Variants in PRKCD observed in about 807,000 individuals in gnomAD.
PRKCD encodes the protein protein kinase C delta type.
PRKCD carries 20 observed loss-of-function variants against 82.2 expected under a neutral mutation model. The observed-to-expected ratio is 0.24, with a 90% CI of 0.17 to 0.35. The LOEUF (loss-of-function observed/expected upper bound fraction) is 0.35. Ranked by LOEUF, PRKCD falls within the 10% of genes least tolerant of loss-of-function variation. The pLI, the probability that PRKCD is intolerant of heterozygous loss-of-function variation, is 1.00. For synonymous variants in PRKCD, 317 were observed against 337.0 expected (o/e 0.94, Z 0.65); for missense variants, 607 against 899.0 (o/e 0.68, Z 4.15).
intron 2 of PRKCD, among the ~76,000 whole-genome samples, chr3:53,170,451 C>T (rs530430974): frequency 3.9e-5 from 6 of 152,358 alleles, no homozygotes; most frequent in South Asian, 2.1e-4. Context: ...TCCCCCTGCG[C>T]GCCAGGCCTG....
chr3:53,183,386 G>A, intron 8 of PRKCD, 66 bp from the exon 9 acceptor site: 4 of 1,603,534 alleles, frequency 2.5e-6, no homozygotes, highest in East Asian at 2.2e-5. Flanking sequence ...TTGGGGGAGA[G>A]CTAGGGGTTG....
Position 53,192,410 on chromosome 3 carries a change from C to T in PRKCD, c.*144C>T, listed in dbSNP as rs782093358. 9 of 867,922 alleles carry T rather than the reference C, an allele frequency of 1.0e-5. No individual in the cohort carries two copies. The highest frequency in any genetic ancestry group is 4.8e-5 in the South Asian group (3 of 62,474). The allele number at this position is 867,922 out of a possible 1,614,324, so 53.8% of individuals were successfully genotyped here. On this transcript the variant is annotated 3_prime_UTR_variant, in exon 19 of 19. Coordinates refer to ENST00000330452, the MANE Select transcript of PRKCD (RefSeq NM_006254.4). The stretch of plus-strand genomic sequence containing the variant: ...TCCTTGGCTGCCGTCTGGCCGGGCT[C>T]TCATGGTACTTCCTCTGTGAACTGT...
chr3:53,186,452 T>C, intron 13 of PRKCD, 112 bp downstream of exon 13: 2 of 1,397,574 alleles, frequency 1.4e-6, no homozygotes, highest in South Asian at 1.3e-5. Context: ...GGCAGGGCCA[T>C]GCTTTCCCCC....
chr3:53,189,067 G>A lies in PRKCD; in HGVS notation c.1564G>A (p.Gly522Ser). 6.2e-7 allele frequency: 1 copy of A among 1,612,818 alleles called. No individual in the cohort carries two copies. Among genetic ancestry groups the A allele is most frequent in the Non-Finnish European group, 8.5e-7 (1 of 1,179,258 alleles). The change falls in exon 17 of 19, where the codon GGC becomes AGC. Residue 522 changes from glycine (G) to serine (S), a missense_variant. Around this residue, in one of 5 missense-constraint regions of PRKCD, gnomAD observed 251 missense variants for 423.9 expected, o/e 0.59. Transcript: ENST00000330452. ...CTCTCCCCACCGCCAGATCCTACAG[G>A]GCCTGAAGTACACATTCTCTGTGGA... ...PDYIAPEILQ[G>S]LKYTFSVDWW...
chr3:53,164,582 C>T (rs570389060), intron 1 of PRKCD, among the ~76,000 whole-genome samples: 2 of 147,708 alleles, frequency 1.4e-5, no homozygotes, highest in Admixed American at 1.3e-4. Context: ...GACCCTGCCA[C>T]ATTAAAAAAA....
chr3:53,189,052 C>T lies in PRKCD; in HGVS notation c.1555-6C>T, dbSNP rs370593377. 38 of 1,607,948 alleles carry T rather than the reference C, an allele frequency of 2.4e-5. No individual in the cohort carries two copies. Among genetic ancestry groups the T allele is most frequent in the East Asian group, 8.9e-5 (4 of 44,850 alleles). ...CCTGCTGACCTGCTGCTCTCCCCAC[C>T]GCCAGATCCTACAGGGCCTGAAGTA... is the stretch of plus-strand genomic sequence containing the variant. On this transcript the variant is annotated splice_polypyrimidine_tract_variant and splice_region_variant and intron_variant, in intron 16 of 18. Transcript: ENST00000330452.
intron 2 of PRKCD, among the ~76,000 whole-genome samples, chr3:53,171,520 C>T (rs751094175): frequency 2.6e-5 from 4 of 152,242 alleles, no homozygotes; most frequent in East Asian, 1.9e-4. Flanking sequence ...TCACTGCCTG[C>T]GTGGCGCATC....
chr3:53,189,911 C>G lies in PRKCD; in HGVS notation c.1782C>G (p.Thr594=), dbSNP rs1075865. The G allele has an allele frequency of 0.98, 1,586,086 of 1,614,192 alleles. 781,011 individuals are homozygous for G. The highest frequency in any genetic ancestry group is 1 in the Non-Finnish European group (1,179,212 of 1,180,052). Residue 594 remains threonine, a synonymous_variant, in exon 18 of 19, where the codon ACC becomes ACG. Transcript: ENST00000330452. Reference sequence around the variant, plus strand: ...AACCAACCAAGAGGCTGGGAGTGACCGGAAACATCAAAATCCACCCCTTCT... The same window carrying G: ...AACCAACCAAGAGGCTGGGAGTGACGGGAAACATCAAAATCCACCCCTTCT... The part of the protein sequence containing the change: ...EREPTKRLGV[T]GNIKIHPFFK...
intron 4 of PRKCD, among the ~76,000 whole-genome samples, chr3:53,180,377 C>T (rs930842560): frequency 3.3e-5 from 5 of 152,206 alleles, no homozygotes; most frequent in Admixed American, 6.5e-5. Context: ...GGGAGGCTGA[C>T]GGTCTCATCT....
intron 4 of PRKCD, 150 bp from the exon 5 acceptor site, chr3:53,181,057 C>T: frequency 1.3e-6 from 1 of 771,328 alleles, no homozygotes; most frequent in Non-Finnish European, 2.1e-6. Context: ...CAGGCGGGGC[C>T]CTGCCCACAC....
intron 18 of PRKCD, among the ~76,000 whole-genome samples, chr3:53,191,831 G>A (rs368174725): frequency 1.6e-3 from 241 of 152,374 alleles, no homozygotes; most frequent in African/African-American, 5.5e-3. Context: ...CAGGTGGTAA[G>A]TGAGCCTCCC....
In PRKCD at chr3:53,187,350, G is replaced by T. The variant is rs782660507; in HGVS notation, c.1363G>T (p.Ala455Ser). ...FELYRATFYA[A>S]EIMCGLQFLH... is the part of the protein sequence containing the mutation. Reference sequence around the variant, plus strand: ...CTCTCTCTTGCCCAGGTTTTATGCCGCTGAGATAATGTGTGGACTGCAGTT... The same window carrying T: ...CTCTCTCTTGCCCAGGTTTTATGCCTCTGAGATAATGTGTGGACTGCAGTT... The change falls in exon 15 of 19, where the codon GCT becomes TCT. Residue 455 changes from alanine (A) to serine (S), a missense_variant. Physicochemically the swap from Ala to Ser is moderately conservative, Grantham distance 99. This residue lies in a region of PRKCD where 251 missense variants were observed against 423.9 expected (regional missense o/e 0.59). Coordinates refer to ENST00000330452, the MANE Select transcript of PRKCD (RefSeq NM_006254.4). The T allele has an allele frequency of 2.5e-6, 4 of 1,614,014 alleles. No individual in the cohort carries two copies. Among genetic ancestry groups the T allele is most frequent in the Non-Finnish European group, 3.4e-6 (4 of 1,180,026 alleles).
intron 1 of PRKCD, chr3:53,161,643 TG>T (rs1352372584): frequency 6.6e-6 from 1 of 151,862 alleles, no homozygotes; most frequent in African/African-American, 2.4e-5. Flanking sequence ...TCCTTCTGTC[TG>T]CCCGCTCCCG....
At chr3:53,189,296 G>C (rs761656666) in intron 17 of PRKCD, 50 bp downstream of exon 17, 2 of 1,532,962 alleles carry the variant, frequency 1.3e-6, no homozygotes, top group Non-Finnish European at 1.8e-6. Flanking sequence ...CTGGGGCAGG[G>C]GCTGGCAGAC....
At position 53,192,118 on chromosome 3, in the gene PRKCD, G is replaced by C; in HGVS notation, c.1883G>C (p.Arg628Thr). 1 of 1,613,966 alleles carries C rather than the reference G, an allele frequency of 6.2e-7. No individual in the cohort carries two copies. The highest frequency in any genetic ancestry group is 8.5e-7 in the Non-Finnish European group (1 of 1,179,984). The change falls in exon 19 of 19, where the codon AGA (arginine) becomes ACA (threonine). Residue 628 changes from arginine (R) to threonine (T), a missense_variant. By Grantham distance (71) the Arg-to-Thr change is moderately conservative. This residue lies in a region of PRKCD where 251 missense variants were observed against 423.9 expected (regional missense o/e 0.59). Coordinates refer to ENST00000330452, the MANE Select transcript of PRKCD (RefSeq NM_006254.4). ...PPFRPKVKSPRDYSNFDQEFL... is the reference protein window; with the variant it reads ...PPFRPKVKSPTDYSNFDQEFL... ...GCCCTCTGCTTGTAGAAGTCACCCAGAGACTACAGTAACTTTGACCAGGAG... is the reference window on the plus strand; with the variant it reads ...GCCCTCTGCTTGTAGAAGTCACCCACAGACTACAGTAACTTTGACCAGGAG...
rs1408196757 is a variant in PRKCD, at chr3:53,183,299, A to G, written c.657+93A>G. ...TCTCCCCACCCTCCCTGGGGAGCTT[A>G]CCCTCCCTCCCCATTTTTCTTAGTC... is the stretch of plus-strand genomic sequence containing the variant. On this transcript the variant is annotated intron_variant, in intron 8 of 18. Coordinates refer to ENST00000330452, the MANE Select transcript of PRKCD (RefSeq NM_006254.4). 7 of 1,522,102 alleles carry G rather than the reference A, an allele frequency of 4.6e-6. No homozygotes were observed. The South Asian group carries it at 5.7e-5, about 12-fold the overall frequency. 94.3% of individuals were successfully genotyped at this position (1,522,102 alleles called of 1,614,324 possible).
At chr3:53,184,820 C>T in intron 9 of PRKCD, 54 bp from the exon 10 acceptor site, 1 of 1,520,176 alleles carries the variant, frequency 6.6e-7, no homozygotes, top group Non-Finnish European at 9.1e-7. Flanking sequence ...CTACACTGCC[C>T]CCTGCCCTTG....
Position 53,188,718 on chromosome 3 carries a change from A to T in PRKCD, c.1416-2A>T. The T allele has an allele frequency of 6.2e-7, 1 of 1,614,188 alleles. No individual in the cohort carries two copies. Among genetic ancestry groups the T allele is most frequent in the Non-Finnish European group, 8.5e-7 (1 of 1,180,024 alleles). On this transcript the variant is annotated splice_acceptor_variant, in intron 15 of 18. Coordinates refer to ENST00000330452, the MANE Select transcript of PRKCD (RefSeq NM_006254.4). LOFTEE classifies it high-confidence loss of function. ...TGACTCTTACCTGTCCCCTGTCCTT[A>T]GGGACCTCAAACTGGACAATGTGCT...
chr3:53,179,935 C>T (rs1398151870), intron 4 of PRKCD, among the ~76,000 whole-genome samples, 159 bp downstream of exon 4: 2 of 152,218 alleles, frequency 1.3e-5, no homozygotes, highest in African/African-American at 2.4e-5. Context: ...CTGTGGCCAA[C>T]ATGTCCTGGG....
Sources: allele counts gnomAD v4.1 joint callset (sites outside exome capture counted in the v4.1 genomes callset), GRCh38; gene constraint gnomAD v4.1.1; regional missense constraint gnomAD v4.1.1; transcripts MANE v1.5; gene names NCBI Gene and HGNC (gene_info 2026-07-23, HGNC 2026-07-21).